Variants in TGFB1I1 observed in about 807,000 individuals in gnomAD.
The protein encoded by TGFB1I1 is transforming growth factor beta-1-induced transcript 1 protein.
TGFB1I1 carries 33 observed loss-of-function variants against 52.0 expected under a neutral mutation model. The ratio of observed to expected loss-of-function variants is 0.63; its 90% CI spans 0.48 to 0.85. TGFB1I1 has a LOEUF of 0.85. TGFB1I1 is among the 40% of genes least tolerant of loss of function. The pLI, the probability that TGFB1I1 is intolerant of heterozygous loss-of-function variation, is 0.00. For synonymous variants in TGFB1I1, 236 were observed against 253.3 expected, an observed-to-expected ratio of 0.93 and a Z score of 0.65; for missense variants, 577 against 614.9, an observed-to-expected ratio of 0.94 and a Z score of 0.65.
At position 31,477,526 on chromosome 16, in the gene TGFB1I1, C is replaced by A. The variant is rs774843120; in HGVS notation, c.1336C>A (p.Arg446Ser). ...RPLTKGSFQE[R>S]AGKPYCQPCF... ...GCTCACCAAGGGGTCCTTCCAGGAG[C>A]GCGCCGGCAAGCCCTACTGCCAGCC... Residue 446 changes from arginine to serine, a missense_variant, in exon 11 of 11, where the codon CGC becomes AGC. Around this residue, in one of 3 missense-constraint regions of TGFB1I1, gnomAD observed 456 missense variants for 461.6 expected, o/e 0.99. Coordinates refer to ENST00000394863, the MANE Select transcript of TGFB1I1 (RefSeq NM_001042454.3). This position sits in a 1 kb window ranked among gnomAD's most constrained non-coding sequence, Gnocchi z 4.7. 3 of 1,609,562 alleles carry A rather than the reference C, an allele frequency of 1.9e-6. No homozygotes were observed.
intron 7 of TGFB1I1, 101 bp from the exon 8 acceptor site, chr16:31,475,911 C>A: frequency 7.9e-7 from 1 of 1,263,364 alleles, no homozygotes; most frequent in Non-Finnish European, 1.1e-6. Context: ...ATTCTTTATT[C>A]TGATCGCTCA....
chr16:31,476,792 T>C lies in TGFB1I1; in HGVS notation c.971-70T>C. On this transcript the variant is annotated intron_variant, in intron 9 of 10. Coordinates refer to ENST00000394863, the MANE Select transcript of TGFB1I1 (RefSeq NM_001042454.3). The surrounding 1 kb of genome is among the most constrained non-coding windows in gnomAD (Gnocchi z 7.6). ...GGACTGCCCCTCCTTCGGCCCCAGA[T>C]CTCAGGTCTTGTGGGTCCCCCGTCC... 6.3e-7 allele frequency: 1 copy of C among 1,596,810 alleles called. No homozygotes were observed. Among genetic ancestry groups the C allele is most frequent in the Non-Finnish European group, 8.5e-7 (1 of 1,173,894 alleles).
Position 31,474,490 on chromosome 16 carries a change from C to T in TGFB1I1, c.519+35C>T, listed in dbSNP as rs1567382758. 1 of 1,613,814 alleles carries T rather than the reference C, an allele frequency of 6.2e-7. No individual in the cohort carries two copies. Among genetic ancestry groups the T allele is most frequent in the South Asian group, 1.1e-5 (1 of 91,080 alleles). ...GCAGTGGGCCAGTGTCCATTTGTGG[C>T]TCCCCAACCCCTTCTAGACAATTCC... On this transcript the variant is annotated intron_variant, in intron 6 of 10. Coordinates refer to ENST00000394863, the MANE Select transcript of TGFB1I1 (RefSeq NM_001042454.3). The surrounding 1 kb of genome is among the most constrained non-coding windows in gnomAD (Gnocchi z 4.2).
At position 31,476,380 on chromosome 16, in the gene TGFB1I1, C is replaced by T. The variant is rs2082423725; in HGVS notation, c.889-101C>T. The T allele has an allele frequency of 1.5e-6, 2 of 1,303,698 alleles. No homozygotes were observed. The highest frequency in any genetic ancestry group is 2.9e-5 in the African/African-American group (2 of 68,668). 80.8% of individuals were successfully genotyped at this position (1,303,698 alleles called of 1,614,324 possible). A position where few individuals can be genotyped will look rare whatever the true frequency, so the allele number is the denominator to read the frequency against. On this transcript the variant is annotated intron_variant, in intron 8 of 10. Coordinates refer to ENST00000394863, the MANE Select transcript of TGFB1I1 (RefSeq NM_001042454.3). This position sits in a 1 kb window ranked among gnomAD's most constrained non-coding sequence, Gnocchi z 7.6. ...ACGTTCCTAGTTAGATCTTCTCCCC[C>T]TCCCCCCACGCATGCCTTAGTCCAG...
At position 31,474,362 on chromosome 16, in the gene TGFB1I1, G is replaced by A. The variant is rs200188556; in HGVS notation, c.426G>A (p.Pro142=). ...DKKRPSLPSS[P]SPGLPKASAT... ...ATGTTCTTCACAGCCCTTCCAGCCC[G>A]TCTCCTGGCCTCCCAAAGGCTTCTG... is the stretch of plus-strand genomic sequence containing the variant. Residue 142 remains proline, a synonymous_variant, in exon 6 of 11, where the codon CCG becomes CCA. Coordinates refer to ENST00000394863, the MANE Select transcript of TGFB1I1 (RefSeq NM_001042454.3). This position sits in a 1 kb window ranked among gnomAD's most constrained non-coding sequence, Gnocchi z 4.2. 52 of 1,614,156 alleles carry A rather than the reference G, an allele frequency of 3.2e-5. No homozygotes were observed. The highest frequency in any genetic ancestry group is 4.4e-5 in the South Asian group (4 of 91,084).
chr16:31,474,465 GCAGTGGGC>G lies in TGFB1I1; in HGVS notation c.519+16_519+23del. On this transcript the variant is annotated intron_variant, in intron 6 of 10. Transcript: ENST00000394863. The surrounding 1 kb of genome is among the most constrained non-coding windows in gnomAD (Gnocchi z 4.2). ...CCGCGTTCAAAACCATGTGAGTTGG[GCAGTGGGC>G]CAGTGTCCATTTGTGGCTCCCCAAC... 1 of 1,614,068 alleles carries G rather than the reference GCAGTGGGC, an allele frequency of 6.2e-7. No individual in the cohort carries two copies.
In TGFB1I1 at chr16:31,476,253, C is replaced by A. The variant is rs1256730268; in HGVS notation, c.888+68C>A. 1.3e-5 allele frequency: 21 copies of A among 1,564,872 alleles called. No individual in the cohort carries two copies. The highest frequency in any genetic ancestry group is 1.6e-5 in the Non-Finnish European group (19 of 1,156,004). On this transcript the variant is annotated intron_variant, in intron 8 of 10. Transcript: ENST00000394863. The surrounding 1 kb of genome is among the most constrained non-coding windows in gnomAD (Gnocchi z 7.6). ...GGAGAGCTGTGGGACGGGCCTCCACCGCATGGGTCCCGCCCCACCCGCGAT... is the reference window on the plus strand; with the variant it reads ...GGAGAGCTGTGGGACGGGCCTCCACAGCATGGGTCCCGCCCCACCCGCGAT...
chr16:31,475,239 G>A (rs1194481626), intron 7 of TGFB1I1: 1 of 160,224 alleles, frequency 6.2e-6, no homozygotes, highest in Non-Finnish European at 1.4e-5. Flanking sequence ...CTCAGCAAAG[G>A]AGGGTGGCAT....
chr16:31,475,837 C>A, intron 7 of TGFB1I1, 175 bp from the exon 8 acceptor site: 1 of 683,416 alleles, frequency 1.5e-6, no homozygotes, highest in Non-Finnish European at 2.4e-6. Context: ...TGGAGCGCAG[C>A]TGGAAGACGG....
chr16:31,476,027 G>T lies in TGFB1I1; in HGVS notation c.730G>T (p.Gly244Cys). The T allele has an allele frequency of 5.0e-6, 8 of 1,612,554 alleles. No homozygotes were observed. Among genetic ancestry groups the T allele is most frequent in the Non-Finnish European group, 6.8e-6 (8 of 1,179,844 alleles). The change falls in exon 8 of 11, where the codon GGC (glycine) becomes TGC (cysteine). Residue 244 changes from glycine to cysteine, a missense_variant. Gly to Cys is a radical substitution (Grantham distance 159). Transcript: ENST00000394863. The surrounding 1 kb of genome is among the most constrained non-coding windows in gnomAD (Gnocchi z 7.6). ...CCACTCGCAGGTGGTGACGGCTCTG[G>T]GCCGCGCCTGGCACCCCGAGCACTT... The part of the protein sequence containing the change: ...PIAGQVVTAL[G>C]RAWHPEHFVC...
chr16:31,473,792 G>A lies in TGFB1I1; in HGVS notation c.183-43G>A, dbSNP rs375797446. 11 of 1,605,748 alleles carry A rather than the reference G, an allele frequency of 6.9e-6. No individual in the cohort carries two copies. In the African/African-American group the frequency reaches 1.5e-4, roughly 21 times the overall value. On this transcript the variant is annotated intron_variant, in intron 3 of 10. Coordinates refer to ENST00000394863, the MANE Select transcript of TGFB1I1 (RefSeq NM_001042454.3). The stretch of plus-strand genomic sequence containing the variant: ...AACTGAGTCTCAGGTGAGGAGGCTT[G>A]GATTCCCCACCCCTGAACCCAGGCT...
chr16:31,476,754 C>T lies in TGFB1I1; in HGVS notation c.971-108C>T, dbSNP rs2082426554. The T allele has an allele frequency of 1.9e-6, 3 of 1,545,614 alleles. No homozygotes were observed. The highest frequency in any genetic ancestry group is 2.6e-6 in the Non-Finnish European group (3 of 1,145,860). On this transcript the variant is annotated intron_variant, in intron 9 of 10. Coordinates refer to ENST00000394863, the MANE Select transcript of TGFB1I1 (RefSeq NM_001042454.3). This position sits in a 1 kb window ranked among gnomAD's most constrained non-coding sequence, Gnocchi z 7.6. ...CGCCATAGACCCGGCTCCTCCTTCC[C>T]CAAGGCTCCCTCGGACTGCCCCTCC...
At chr16:31,473,301 C>T in intron 1 of TGFB1I1, 140 bp from the exon 2 acceptor site, 1 of 1,438,388 alleles carries the variant, frequency 7.0e-7, no homozygotes, top group Non-Finnish European at 9.1e-7. Flanking sequence ...ACCCTTCGAG[C>T]AGTGCTCTGC....
intron 1 of TGFB1I1, 24 bp downstream of exon 1, chr16:31,472,225 T>G (rs199622942): frequency 6.8e-7 from 1 of 1,469,916 alleles, no homozygotes; most frequent in Admixed American, 2.1e-5. Context: ...GATCCCCGGG[T>G]CCGTGGCCCC....
intron 7 of TGFB1I1, chr16:31,475,454 C>G (rs1697238082): frequency 6.5e-6 from 1 of 152,772 alleles, no homozygotes. Context: ...GAGGCAAATT[C>G]TCACTCTTGT....
rs1327145012 is a variant in TGFB1I1, at chr16:31,473,841, A to T, written c.189A>T (p.Val63=). 6.2e-7 allele frequency: 1 copy of T among 1,613,992 alleles called. No homozygotes were observed. Among genetic ancestry groups the T allele is most frequent in the African/African-American group, 1.3e-5 (1 of 74,932 alleles). The change falls in exon 4 of 11, where the codon GTA becomes GTT. Residue 63 remains valine, a synonymous_variant. Transcript: ENST00000394863. Reference sequence around the variant, plus strand: ...CTCCCACTCTGCTTCCCAGCACGGTATGCAAGCCTCGGTCCCCAAAGCCTG... The same window carrying T: ...CTCCCACTCTGCTTCCCAGCACGGTTTGCAAGCCTCGGTCCCCAAAGCCTG... ...SGDKDHLYST[V]CKPRSPKPAA... is the part of the protein sequence containing the mutation.
Position 31,477,363 on chromosome 16 carries a change from G to A in TGFB1I1, c.1173G>A (p.Pro391=), listed in dbSNP as rs149594870. The part of the protein sequence containing the change: ...GGSFFEHEGR[P]LCENHFHARR... Reference sequence around the variant, plus strand: ...GCTTTTTCGAGCACGAGGGCCGCCCGTTGTGCGAGAACCACTTCCACGCAC... The same window carrying A: ...GCTTTTTCGAGCACGAGGGCCGCCCATTGTGCGAGAACCACTTCCACGCAC... The change falls in exon 11 of 11, where the codon CCG becomes CCA. Residue 391 remains proline, a synonymous_variant. Coordinates refer to ENST00000394863, the MANE Select transcript of TGFB1I1 (RefSeq NM_001042454.3). This position sits in a 1 kb window ranked among gnomAD's most constrained non-coding sequence, Gnocchi z 4.7. 1 of 1,611,982 alleles carries A rather than the reference G, an allele frequency of 6.2e-7. No individual in the cohort carries two copies.
intron 7 of TGFB1I1, chr16:31,475,739 T>A (rs1013734039): frequency 2.8e-5 from 11 of 390,432 alleles, no homozygotes; most frequent in African/African-American, 8.3e-5. Context: ...ATTTTGATTT[T>A]AAAAAAATTA....
chr16:31,473,672 C>T lies in TGFB1I1; in HGVS notation c.130-10C>T, dbSNP rs549872365. 34 of 1,567,778 alleles carry T rather than the reference C, an allele frequency of 2.2e-5. 1 individual carries two copies. The South Asian group carries it at 2.3e-4, about 11-fold the overall frequency. On this transcript the variant is annotated splice_polypyrimidine_tract_variant and intron_variant, in intron 2 of 10. Transcript: ENST00000394863. ...GCCTGTCATCCCACCTGTGCGTCTCCGCTCTGTAGACAGGGTCTGGGGAGT... is the reference window on the plus strand; with the variant it reads ...GCCTGTCATCCCACCTGTGCGTCTCTGCTCTGTAGACAGGGTCTGGGGAGT...
Sources: allele counts gnomAD v4.1 joint callset, GRCh38; gene constraint gnomAD v4.1.1; regional missense constraint gnomAD v4.1.1; non-coding constraint Gnocchi (gnomAD v3.1); transcripts MANE v1.5; gene names NCBI Gene and HGNC (gene_info 2026-07-23, HGNC 2026-07-21).